Variants in ZNF273 observed in about 807,000 individuals in gnomAD.
ZNF273 encodes zinc finger protein 9.
In ZNF273, 11 loss-of-function variants were observed where a neutral mutation model predicts 14.9. The ratio of observed to expected loss-of-function variants is 0.74; its 90% CI spans 0.46 to 1.22. The LOEUF (loss-of-function observed/expected upper bound fraction) is 1.22, where lower values mean the gene tolerates loss of function less well. Among genes scored for constraint, ZNF273 ranks in the 50% most tolerant of loss-of-function variants. The pLI is 0.00. For synonymous variants in ZNF273, 199 were observed against 223.9 expected (o/e 0.89, Z 0.99); for missense variants, 577 against 660.6 (o/e 0.87, Z 1.39).
At chr7:64,888,415 A>C (rs1372046119) in intron 1 of ZNF273, 46 of 985,584 alleles carry the variant, frequency 4.7e-5, no homozygotes, top group Non-Finnish European at 5.3e-5. Context: ...AGCAGGTGAC[A>C]CGGGGCTGGA....
At chr7:64,880,013 C>T (rs893945619), downstream of ZNF273, 1 of 152,260 alleles carries the variant, frequency 6.6e-6, no homozygotes, top group African/African-American at 2.4e-5. Flanking sequence ...CCGAAACTGC[C>T]TCATGCATGC....
chr7:64,930,289 A>G lies in ZNF273; in HGVS notation c.*1251A>G, dbSNP rs1794960692. On this transcript the variant is annotated 3_prime_UTR_variant, in exon 4 of 4. Coordinates refer to ENST00000476120, the MANE Select transcript of ZNF273 (RefSeq NM_021148.3). The stretch of plus-strand genomic sequence containing the variant: ...TTTATGACCTTTTCTGTGGAAGAGT[A>G]AGAACATTAAAATGAAAGATGCATG... 1 of 152,148 alleles carries G rather than the reference A, an allele frequency of 6.6e-6. No homozygotes were observed. Among genetic ancestry groups the G allele is most frequent in the South Asian group, 2.1e-4 (1 of 4,826 alleles). 9.4% of individuals were successfully genotyped at this position (152,148 alleles called of 1,614,324 possible).
rs1231327138 is a variant in ZNF273 at position 64,929,223 on chromosome 7, C to T, written c.*185C>T. 5.0e-5 allele frequency: 8 copies of T among 161,554 alleles called. No individual in the cohort carries two copies. The highest frequency in any genetic ancestry group is 4.1e-4 in the East Asian group (3 of 7,328). The allele number at this position is 161,554 out of a possible 1,614,324, so 10.0% of individuals were successfully genotyped here. On this transcript the variant is annotated 3_prime_UTR_variant, in exon 4 of 4. Coordinates refer to ENST00000476120, the MANE Select transcript of ZNF273 (RefSeq NM_021148.3). ...ATATCTGCTCATATCTTAACATCAG[C>T]GAGTTGGTATTTAATAAAAGCATTA...
At chr7:64,906,235 G>C (rs1793101422) in intron 1 of ZNF273, among the ~76,000 whole-genome samples, 1 of 152,126 alleles carries the variant, frequency 6.6e-6, no homozygotes, top group Admixed American at 6.5e-5. Flanking sequence ...TTGTAACAGT[G>C]AATATCTCTA....
intron 1 of ZNF273, 50 bp downstream of exon 1, chr7:64,903,469 A>G: frequency 6.5e-7 from 1 of 1,539,868 alleles, no homozygotes; most frequent in Non-Finnish European, 9.0e-7. Context: ...GCCTGGTTGG[A>G]ACTGGTGGGA....
chr7:64,927,534 C>T, intron 3 of ZNF273, 120 bp from the exon 4 acceptor site: 1 of 780,810 alleles, frequency 1.3e-6, no homozygotes, highest in East Asian at 2.7e-5. Flanking sequence ...GAATTAGGGC[C>T]TGTGGTATTT....
chr7:64,898,625 G>A (rs900938987), upstream of ZNF273, among the ~76,000 whole-genome samples: 1 of 152,164 alleles, frequency 6.6e-6, no homozygotes, highest in African/African-American at 2.4e-5. Flanking sequence ...AGGTAGAGTA[G>A]GATACATCAA....
At chr7:64,887,344 G>GATCA (rs2129037354) in intron 1 of ZNF273, among the ~76,000 whole-genome samples, 1 of 128,518 alleles carries the variant, frequency 7.8e-6, no homozygotes, top group South Asian at 2.5e-4. Flanking sequence ...CTGGCCTCAT[G>GATCA]ATCATCTCCT....
intron 1 of ZNF273, among the ~76,000 whole-genome samples, chr7:64,904,069 C>CA (rs1792918661): frequency 6.6e-6 from 1 of 152,114 alleles, no homozygotes; most frequent in Non-Finnish European, 1.5e-5. Flanking sequence ...TTGTAATTTA[C>CA]AAAAAGTTTG....
chr7:64,883,394 C>A (rs376449638), downstream of ZNF273, among the ~76,000 whole-genome samples: 3 of 152,276 alleles, frequency 2.0e-5, no homozygotes, highest in East Asian at 3.9e-4. Context: ...AGGCGCTTCA[C>A]GTCGTGAGGC....
intron 1 of ZNF273, among the ~76,000 whole-genome samples, chr7:64,886,755 C>T (rs1216135260): frequency 3.9e-5 from 6 of 152,210 alleles, no homozygotes; most frequent in Admixed American, 3.9e-4. Context: ...CACCTGGGCA[C>T]ACCTGCATGA....
At chr7:64,911,459 C>G (rs1437417800) in intron 1 of ZNF273, among the ~76,000 whole-genome samples, 1 of 151,908 alleles carries the variant, frequency 6.6e-6, no homozygotes, top group Non-Finnish European at 1.5e-5. Context: ...GACAGGGTTT[C>G]TCCATGTTGG....
intron 1 of ZNF273, among the ~76,000 whole-genome samples, chr7:64,911,548 C>G (rs932110295): frequency 6.6e-6 from 1 of 152,158 alleles, no homozygotes; most frequent in African/African-American, 2.4e-5. Context: ...CAGGTGTGAG[C>G]CACTGTGCCT....
chr7:64,909,903 A>G (rs1325067364), intron 1 of ZNF273, among the ~76,000 whole-genome samples: 1 of 151,468 alleles, frequency 6.6e-6, no homozygotes, highest in African/African-American at 2.4e-5. Flanking sequence ...ATGAGATTGT[A>G]TCTCACTGTG....
chr7:64,906,457 T>C (rs1030896576), intron 1 of ZNF273, among the ~76,000 whole-genome samples: 5 of 152,174 alleles, frequency 3.3e-5, no homozygotes, highest in African/African-American at 7.2e-5. Flanking sequence ...TCCCCTTATA[T>C]GATCACTGTG....
chr7:64,927,053 T>C (rs1260731885), intron 3 of ZNF273, among the ~76,000 whole-genome samples: 1 of 152,218 alleles, frequency 6.6e-6, no homozygotes, highest in Non-Finnish European at 1.5e-5. Context: ...TGTGTGCCAC[T>C]GTTTTTCTTC....
intron 3 of ZNF273, chr7:64,924,475 A>G (rs1344976710): frequency 6.6e-6 from 1 of 151,576 alleles, no homozygotes; most frequent in African/African-American, 2.4e-5. Flanking sequence ...TATTTGCTTT[A>G]TATATTTGGA....
At chr7:64,914,815 G>A (rs949700122) in intron 1 of ZNF273, among the ~76,000 whole-genome samples, 2 of 148,892 alleles carry the variant, frequency 1.3e-5, no homozygotes, top group East Asian at 2.0e-4. Context: ...ATAAGCAGGC[G>A]GTGCTGACAC....
intron 1 of ZNF273, among the ~76,000 whole-genome samples, chr7:64,907,122 T>C (rs1793168586): frequency 6.6e-6 from 1 of 152,198 alleles, no homozygotes; most frequent in Non-Finnish European, 1.5e-5. Context: ...GATTAAGAAA[T>C]ATTTCCTCTT....
Sources: gnomAD v4.1 joint callset for allele counts (sites outside exome capture counted in the v4.1 genomes callset) on GRCh38, gnomAD v4.1.1 for gene constraint, MANE v1.5 for transcripts, NCBI Gene and HGNC (gene_info 2026-07-23, HGNC 2026-07-21) for gene names.